Variants in MROH7 observed in about 807,000 individuals in gnomAD.
The protein encoded by MROH7 is maestro heat-like repeat-containing protein family member 7.
A neutral mutation model predicts 129.2 loss-of-function variants in MROH7; 113 were observed. That is an observed-to-expected ratio of 0.87 (90% CI 0.75 to 1.02). The LOEUF (loss-of-function observed/expected upper bound fraction) is 1.02, where lower values mean the gene tolerates loss of function less well. Among genes scored for constraint, MROH7 ranks in the 50% least tolerant of loss-of-function variants. The probability of loss-of-function intolerance (pLI) is 0.00; values close to 1 mark genes in which losing one functional copy is unlikely to be tolerated. For missense variants in MROH7, 1,601 were observed against 1,671.3 expected, an observed-to-expected ratio of 0.96 and a Z score of 0.73; for synonymous variants, 655 against 667.9, an observed-to-expected ratio of 0.98 and a Z score of 0.30.
intron 8 of MROH7, 123 bp from the exon 9 acceptor site, chr1:54,673,578 G>C: frequency 1.4e-6 from 1 of 710,242 alleles, no homozygotes; most frequent in Non-Finnish European, 2.5e-6. Flanking sequence ...GAGGAGGAGG[G>C]CTGTGGTGAC....
chr1:54,670,198 G>A (rs1436528451), intron 5 of MROH7, among the ~76,000 whole-genome samples: 2 of 152,104 alleles, frequency 1.3e-5, no homozygotes, highest in South Asian at 2.1e-4. Flanking sequence ...GCCAGGCATG[G>A]TGGCTCATGT....
rs774071501 is a variant in MROH7 at position 54,686,463 on chromosome 1, C to G, written c.2711+15C>G. 3 of 1,608,508 alleles carry G rather than the reference C, an allele frequency of 1.9e-6. No homozygotes were observed. Among genetic ancestry groups the G allele is most frequent in the Non-Finnish European group, 1.7e-6 (2 of 1,176,764 alleles). On this transcript the variant is annotated intron_variant, in intron 15 of 23. Transcript: ENST00000421030. ...GTACCTGTGCGGTATGCTCTGCCCTCTCTCTTGACCCTGCTGTCCCCGGTG... is the reference window on the plus strand; with the variant it reads ...GTACCTGTGCGGTATGCTCTGCCCTGTCTCTTGACCCTGCTGTCCCCGGTG...
Position 54,653,941 on chromosome 1 carries a change from C to T in MROH7, c.1015C>T (p.Leu339=), listed in dbSNP as rs766756098. Residue 339 remains leucine (L), a synonymous_variant, in exon 3 of 24, where the codon CTG becomes TTG. Transcript: ENST00000421030. Reference sequence around the variant, plus strand: ...CCTGGGTTCCAATGAGACTCTGAGCCTGGACTCCAGCCTCCTGTTCAGCGA... The same window carrying T: ...CCTGGGTTCCAATGAGACTCTGAGCTTGGACTCCAGCCTCCTGTTCAGCGA... ...LILGSNETLS[L]DSSLLFSDTS... is the part of the protein sequence containing the mutation. The T allele has an allele frequency of 1.9e-6, 3 of 1,614,204 alleles. No homozygotes were observed. Among genetic ancestry groups the T allele is most frequent in the South Asian group, 1.1e-5 (1 of 91,082 alleles).
At chr1:54,668,960 T>C in intron 5 of MROH7, 23 bp downstream of exon 5, 3 of 1,528,898 alleles carry the variant, frequency 2.0e-6, no homozygotes, top group Non-Finnish European at 2.7e-6. Flanking sequence ...CAGGCGGGTC[T>C]GTGGCATTGG....
At chr1:54,681,153 T>C (rs1161071613) in intron 13 of MROH7, among the ~76,000 whole-genome samples, 1 of 152,136 alleles carries the variant, frequency 6.6e-6, no homozygotes, top group Non-Finnish European at 1.5e-5. Flanking sequence ...AAGTCTGCAC[T>C]TGTGTGAGCC....
At chr1:54,682,935 C>A in intron 14 of MROH7, 141 bp downstream of exon 14, 1 of 912,744 alleles carries the variant, frequency 1.1e-6, no homozygotes, top group Non-Finnish European at 1.6e-6. Flanking sequence ...AGGTCTCTGG[C>A]TCTGGCTCTT....
intron 16 of MROH7, 108 bp from the exon 17 acceptor site, chr1:54,695,268 C>T: frequency 1.6e-6 from 1 of 641,898 alleles, no homozygotes; most frequent in Non-Finnish European, 2.8e-6. Context: ...CGCAGGAATC[C>T]AGGTGATCCT....
Position 54,672,404 on chromosome 1 carries a change from A to G in MROH7, c.1600-687A>G, listed in dbSNP as rs148067533. 1.1e-3 allele frequency among the ~76,000 whole-genome samples: 173 copies of G among 152,108 alleles called. 5 individuals carry two copies. In the East Asian group the frequency reaches 0.03, roughly 26 times the overall value. ...GGCAGGACGAGGGGAGGCAAAAAAG[A>G]GAGGGTCTTCTCAGAGTAACTCAAA... On this transcript the variant is annotated intron_variant, in intron 7 of 23. Coordinates refer to ENST00000421030, the MANE Select transcript of MROH7 (RefSeq NM_001039464.4).
intron 15 of MROH7, among the ~76,000 whole-genome samples, chr1:54,692,122 G>A (rs1645249659): frequency 6.6e-6 from 1 of 152,216 alleles, no homozygotes; most frequent in African/African-American, 2.4e-5. Context: ...GACTGTGAGT[G>A]AGCAGAGAGG....
Position 54,695,446 on chromosome 1 carries a change from G to A in MROH7, c.2920G>A (p.Gly974Ser). The change falls in exon 17 of 24, where the codon GGC (glycine) becomes AGC (serine). Residue 974 changes from glycine to serine, a missense_variant. Physicochemically the swap from Gly to Ser is moderately conservative, Grantham distance 56. Coordinates refer to ENST00000421030, the MANE Select transcript of MROH7 (RefSeq NM_001039464.4). ...CCTGCTCATCCCGCTCCTGGAGCGA[G>A]GCGACGAGAAGCACAGGATCACGGC... is the stretch of plus-strand genomic sequence containing the variant. Reference protein sequence around the residue: ...LYLLIPLLERGDEKHRITATA... With the variant: ...LYLLIPLLERSDEKHRITATA... The A allele has an allele frequency of 6.2e-7, 1 of 1,613,970 alleles. No individual in the cohort carries two copies. Among genetic ancestry groups the A allele is most frequent in the Non-Finnish European group, 8.5e-7 (1 of 1,179,950 alleles).
chr1:54,709,938 T>C lies in MROH7; in HGVS notation c.3731-8T>C. 6.2e-7 allele frequency: 1 copy of C among 1,606,706 alleles called. No individual in the cohort carries two copies. The highest frequency in any genetic ancestry group is 1.1e-5 in the South Asian group (1 of 90,996). On this transcript the variant is annotated splice_region_variant and splice_polypyrimidine_tract_variant and intron_variant, in intron 23 of 23. Transcript: ENST00000421030. ...TAATAGGAGGCTTCTCCCTTCCCCA[T>C]GACGCAGCTCTGGATAACTTGAGAC...
chr1:54,707,891 C>T (rs1205081315), intron 22 of MROH7, among the ~76,000 whole-genome samples: 1 of 152,142 alleles, frequency 6.6e-6, no homozygotes, highest in African/African-American at 2.4e-5. Context: ...GATCCTTGCC[C>T]TCCCACTGTC....
intron 1 of MROH7, among the ~76,000 whole-genome samples, chr1:54,650,862 G>A (rs1184575256): frequency 1.3e-5 from 2 of 151,798 alleles, no homozygotes; most frequent in Non-Finnish European, 1.5e-5. Flanking sequence ...TAGTTGAGAC[G>A]GCAGGCACAT....
rs199550913 is a variant in MROH7, at chr1:54,670,886, A to G, written c.1556A>G (p.Gln519Arg). 43 of 1,612,088 alleles carry G rather than the reference A, an allele frequency of 2.7e-5. No homozygotes were observed. In the African/African-American group the frequency reaches 5.3e-4, roughly 20 times the overall value. Reference sequence around the variant, plus strand: ...AGCGTGTTCTCCCTGCCCTCCGTGCAGGCGATGCAGGAGAAGGACGAGGCC... The same window carrying G: ...AGCGTGTTCTCCCTGCCCTCCGTGCGGGCGATGCAGGAGAAGGACGAGGCC... ...VHSVFSLPSV[Q>R]AMQEKDEAKA... The change falls in exon 7 of 24, where the codon CAG becomes CGG. Residue 519 changes from glutamine to arginine, a missense_variant. Gln to Arg is a conservative substitution (Grantham distance 43). Coordinates refer to ENST00000421030, the MANE Select transcript of MROH7 (RefSeq NM_001039464.4).
At chr1:54,684,016 A>T (rs1009949402) in intron 14 of MROH7, among the ~76,000 whole-genome samples, 1 of 152,244 alleles carries the variant, frequency 6.6e-6, no homozygotes, top group African/African-American at 2.4e-5. Context: ...TGTGCTCACC[A>T]TGATATCCCC....
Position 54,653,600 on chromosome 1 carries a change from C to A in MROH7, c.674C>A (p.Thr225Asn), listed in dbSNP as rs781131796. ...NPLLNMGSRN[T>N]SKLNLNVAPD... The stretch of plus-strand genomic sequence containing the variant: ...TTGCTCAACATGGGCTCAAGAAACA[C>A]CTCCAAGCTGAACCTGAATGTAGCT... The change falls in exon 3 of 24, where the codon ACC becomes AAC. Residue 225 changes from threonine to asparagine, a missense_variant. Physicochemically the swap from Thr to Asn is moderately conservative, Grantham distance 65 (BLOSUM62 0). Transcript: ENST00000421030. 10 of 1,614,140 alleles carry A rather than the reference C, an allele frequency of 6.2e-6. No individual in the cohort carries two copies. The highest frequency in any genetic ancestry group is 8.5e-6 in the Non-Finnish European group (10 of 1,180,016).
chr1:54,673,927 T>G, intron 9 of MROH7, 89 bp from the exon 10 acceptor site: 1 of 1,555,042 alleles, frequency 6.4e-7, no homozygotes, highest in Non-Finnish European at 8.8e-7. Context: ...CTGTGCTATC[T>G]GGGCCAGACT....
At position 54,646,990 on chromosome 1, in the gene MROH7, G is replaced by A. The variant is rs1569845699; in HGVS notation, c.-109-4959G>A. Among the ~76,000 whole-genome samples the A allele has an allele frequency of 2.6e-5, 4 of 152,312 alleles. 1 individual carries two copies. Among genetic ancestry groups the A allele is most frequent in the Admixed American group, 2.6e-4 (4 of 15,296 alleles). On this transcript the variant is annotated intron_variant, in intron 1 of 23. Transcript: ENST00000421030. ...CATGAGTACTTCATTCCTTTTAGTGGCTGAATAATCCACTGTACGGACATA... is the reference window on the plus strand; with the variant it reads ...CATGAGTACTTCATTCCTTTTAGTGACTGAATAATCCACTGTACGGACATA...
At chr1:54,696,626 A>T (rs1645325873) in intron 17 of MROH7, among the ~76,000 whole-genome samples, 2 of 123,954 alleles carry the variant, frequency 1.6e-5, no homozygotes, top group Non-Finnish European at 3.3e-5. Context: ...TTCAAGATTT[A>T]TCTATGCTGT....
Sources: gnomAD v4.1 joint callset for allele counts (sites outside exome capture counted in the v4.1 genomes callset) on GRCh38, gnomAD v4.1.1 for gene constraint, MANE v1.5 for transcripts, NCBI Gene and HGNC (gene_info 2026-07-23, HGNC 2026-07-21) for gene names.